Variants in IFI16 observed in about 807,000 individuals in gnomAD.
The protein encoded by IFI16 is gamma-interferon-inducible protein 16.
Under a neutral mutation model 68.4 loss-of-function variants are expected in IFI16, and 49 were observed. That is an observed-to-expected ratio of 0.72 (90% CI 0.57 to 0.91). IFI16 has a LOEUF of 0.91. IFI16 is among the 40% of genes least tolerant of loss of function. IFI16 has a pLI of 0.00. For synonymous variants in IFI16, 307 were observed against 315.0 expected (o/e 0.97, Z 0.27); for missense variants, 878 against 942.9 (o/e 0.93, Z 0.90).
chr1:159,023,101 G>A (rs1653437187), intron 6 of IFI16, among the ~76,000 whole-genome samples: 1 of 151,136 alleles, frequency 6.6e-6, no homozygotes, highest in African/African-American at 2.5e-5. Context: ...CAAACGAGGT[G>A]AGAATTGAAG....
intron 6 of IFI16, among the ~76,000 whole-genome samples, chr1:159,029,853 T>C (rs1052340428): frequency 6.6e-6 from 1 of 152,090 alleles, no homozygotes; most frequent in Non-Finnish European, 1.5e-5. Context: ...GCTAATTTTT[T>C]GTATTTTTAG....
chr1:159,039,015 A>G (rs1382528786), intron 7 of IFI16, among the ~76,000 whole-genome samples: 2 of 152,196 alleles, frequency 1.3e-5, no homozygotes, highest in African/African-American at 4.8e-5. Flanking sequence ...AATGGCTTCT[A>G]TCACTTTGGT....
Position 159,045,463 on chromosome 1 carries a change from C to T in IFI16, c.1496C>T (p.Thr499Met), listed in dbSNP as rs1175545252. 21 of 1,602,040 alleles carry T rather than the reference C, an allele frequency of 1.3e-5. 2 individuals are homozygous for T. Among genetic ancestry groups the T allele is most frequent in the East Asian group, 4.5e-5 (2 of 44,864 alleles). Residue 499 changes from threonine (T) to methionine (M), a missense_variant and splice_region_variant, in exon 8 of 12, where the codon ACG (threonine) becomes ATG (methionine). This residue lies in a region of IFI16 where 59 missense variants were observed against 119.0 expected (regional missense o/e 0.50). Transcript: ENST00000295809. ...ACACCAAGCAGCAGTTTCTTAACCA[C>T]GGTACAAGTTCCCTCTTCCCAATAC... ...PSTPSSSFLTTKSEDTISKMN... is the reference protein window; with the variant it reads ...PSTPSSSFLTMKSEDTISKMN...
chr1:159,019,472 T>C (rs1488656975), intron 5 of IFI16, among the ~76,000 whole-genome samples: 1 of 151,910 alleles, frequency 6.6e-6, no homozygotes, highest in East Asian at 1.9e-4. Context: ...CAGTCTTTTT[T>C]TTTTTTTTGA....
intron 8 of IFI16, among the ~76,000 whole-genome samples, chr1:159,049,010 G>A (rs1655176229): frequency 6.6e-6 from 1 of 150,922 alleles, no homozygotes; most frequent in South Asian, 2.1e-4. Flanking sequence ...TGGGTTTCTT[G>A]TATGCTGAAG....
intron 6 of IFI16, among the ~76,000 whole-genome samples, chr1:159,029,496 G>C (rs753846411): frequency 6.6e-6 from 1 of 152,062 alleles, no homozygotes; most frequent in Non-Finnish European, 1.5e-5. Flanking sequence ...GTGTTCCCCG[G>C]GTGTTCTTTG....
intron 5 of IFI16, among the ~76,000 whole-genome samples, chr1:159,019,384 A>G (rs191246525): frequency 6.6e-6 from 1 of 152,146 alleles, no homozygotes. Context: ...GATTCAAGCA[A>G]TTTATCTGAT....
intron 2 of IFI16, 131 bp downstream of exon 2, chr1:159,015,076 T>C: frequency 1.1e-6 from 1 of 871,382 alleles, no homozygotes. Context: ...TGAGACAATG[T>C]TGGTACTTCA....
chr1:159,042,873 A>T (rs757213082), intron 7 of IFI16, among the ~76,000 whole-genome samples: 1 of 152,176 alleles, frequency 6.6e-6, no homozygotes, highest in Non-Finnish European at 1.5e-5. Context: ...GTTACCTACA[A>T]TCCAGCGTTA....
At chr1:159,032,972 G>C (rs1571867257) in intron 7 of IFI16, among the ~76,000 whole-genome samples, 1 of 151,824 alleles carries the variant, frequency 6.6e-6, no homozygotes, top group South Asian at 2.1e-4. Flanking sequence ...AGAGTGGCCA[G>C]ACAAGCAGAG....
intron 6 of IFI16, among the ~76,000 whole-genome samples, chr1:159,025,418 ATTAATG>A (rs1217820781): frequency 7.2e-5 from 11 of 152,192 alleles, no homozygotes; most frequent in Non-Finnish European, 1.6e-4. Flanking sequence ...TTAATGTGCT[ATTAATG>A]TTAAATTTAA....
Position 159,018,453 on chromosome 1 carries a change from C to T in IFI16, c.774C>T (p.Ile258=). The change falls in exon 5 of 12, where the codon ATC becomes ATT. Residue 258 remains isoleucine (I), a synonymous_variant. Transcript: ENST00000295809. ...SLKEKFNGKK[I]IIISDYLEYD... ...AGGAGAAATTCAATGGAAAGAAAAT[C>T]ATCATCATATCAGATTATTTGGAAT... is the stretch of plus-strand genomic sequence containing the variant. The T allele has an allele frequency of 6.2e-7, 1 of 1,613,094 alleles. No homozygotes were observed. The highest frequency in any genetic ancestry group is 1.7e-5 in the Admixed American group (1 of 60,028).
chr1:159,023,297 TC>T (rs755628987), intron 6 of IFI16, among the ~76,000 whole-genome samples: 29 of 152,310 alleles, frequency 1.9e-4, no homozygotes, highest in South Asian at 6.2e-4. Context: ...GACACAAACT[TC>T]TTTTTTTGCT....
chr1:159,035,071 G>A (rs886498490), intron 7 of IFI16, among the ~76,000 whole-genome samples: 5 of 152,164 alleles, frequency 3.3e-5, no homozygotes, highest in Non-Finnish European at 7.4e-5. Flanking sequence ...CAAGCCCCAA[G>A]CTGTATTCTG....
At chr1:159,003,411 C>T (rs905153778), upstream of IFI16, among the ~76,000 whole-genome samples, 3 of 152,128 alleles carry the variant, frequency 2.0e-5, no homozygotes, top group African/African-American at 7.2e-5. Flanking sequence ...TAAATTACTG[C>T]CGTAAAGCTA....
chr1:159,046,113 G>C (rs1209504186), intron 8 of IFI16, among the ~76,000 whole-genome samples: 1 of 151,174 alleles, frequency 6.6e-6, no homozygotes, highest in Admixed American at 6.6e-5. Context: ...AAATTGCATG[G>C]TTATTCCATA....
rs1472308571 is a variant in IFI16 at position 159,014,712 on chromosome 1, T to C, written c.32T>C (p.Leu11Pro). 1 of 1,604,746 alleles carries C rather than the reference T, an allele frequency of 6.2e-7. No individual in the cohort carries two copies. Among genetic ancestry groups the C allele is most frequent in the African/African-American group, 1.3e-5 (1 of 74,492 alleles). Residue 11 changes from leucine (L) to proline (P), a missense_variant, in exon 2 of 12, where the codon CTA becomes CCA. Coordinates refer to ENST00000295809, the MANE Select transcript of IFI16 (RefSeq NM_001376587.1). The part of the protein sequence containing the change: MGKKYKNIVL[L>P]KGLEVINDYH... The stretch of plus-strand genomic sequence containing the variant: ...AAAAAATACAAGAACATTGTTCTAC[T>C]AAAAGGATTAGAGGTCATCAATGAT...
chr1:159,037,347 A>G (rs1654389883), intron 7 of IFI16, among the ~76,000 whole-genome samples: 1 of 152,202 alleles, frequency 6.6e-6, no homozygotes, highest in East Asian at 1.9e-4. Flanking sequence ...ACCAGCCCAA[A>G]GGTTGTCTCA....
In IFI16 at chr1:159,054,915, T is replaced by C. The variant is rs1442950723; in HGVS notation, c.*14T>C. 4.1e-6 allele frequency: 6 copies of C among 1,470,822 alleles called. No individual in the cohort carries two copies. The highest frequency in any genetic ancestry group is 5.7e-6 in the Non-Finnish European group (6 of 1,054,148). The allele number at this position is 1,470,822 out of a possible 1,614,324, so 91.1% of individuals were successfully genotyped here. On this transcript the variant is annotated 3_prime_UTR_variant, in exon 12 of 12. Transcript: ENST00000295809. Reference sequence around the variant, plus strand: ...TTTTTCTTCTAAAATCTGGATGTCATTGACGATAATGTTTATGGAGATAAG... The same window carrying C: ...TTTTTCTTCTAAAATCTGGATGTCACTGACGATAATGTTTATGGAGATAAG...
Sources: allele counts gnomAD v4.1 joint callset (sites outside exome capture counted in the v4.1 genomes callset), GRCh38; gene constraint gnomAD v4.1.1; regional missense constraint gnomAD v4.1.1; transcripts MANE v1.5; gene names NCBI Gene and HGNC (gene_info 2026-07-23, HGNC 2026-07-21).